Variants in RELL1 observed in about 807,000 individuals in gnomAD.
RELL1 encodes RELT like 1.
In RELL1, 10 loss-of-function variants were observed where a neutral mutation model predicts 23.0. That is an observed-to-expected ratio of 0.43 (90% CI 0.27 to 0.74). RELL1 has a LOEUF of 0.74. Among genes scored for constraint, RELL1 ranks in the 30% least tolerant of loss-of-function variants. The pLI is 0.19. For missense variants in RELL1, 315 were observed against 364.4 expected (o/e 0.86, Z 1.10); for synonymous variants, 146 against 146.8 (o/e 0.99, Z 0.04).
chr4:37,664,989 G>A (rs1264861175), intron 1 of RELL1, among the ~76,000 whole-genome samples: 1 of 152,182 alleles, frequency 6.6e-6, no homozygotes. Flanking sequence ...TGGAGGTGGG[G>A]AAGTGAAGGT....
At chr4:37,662,073 T>C (rs1721375856) in intron 1 of RELL1, among the ~76,000 whole-genome samples, 1 of 152,106 alleles carries the variant, frequency 6.6e-6, no homozygotes. Context: ...ATTCCTGAAA[T>C]GCTACCATGA....
intron 6 of RELL1, among the ~76,000 whole-genome samples, chr4:37,622,603 C>G (rs1440650695): frequency 1.3e-5 from 2 of 152,114 alleles, no homozygotes; most frequent in Non-Finnish European, 2.9e-5. Context: ...CCGTAATGAA[C>G]TCTCGGCATG....
At chr4:37,628,030 T>A (rs995818338) in intron 6 of RELL1, among the ~76,000 whole-genome samples, 1 of 152,202 alleles carries the variant, frequency 6.6e-6, no homozygotes, top group African/African-American at 2.4e-5. Context: ...CATACTTTTT[T>A]TGGGGGGATG....
chr4:37,604,804 CACACAGACACACACACAG>C (rs762729096), intron 6 of RELL1, among the ~76,000 whole-genome samples: 13,782 of 72,486 alleles, frequency 0.19, 801 homozygotes, highest in East Asian at 0.34. Context: ...CACAGACACA[CACACAGACACACACACAG>C]ACACACACAT....
At chr4:37,605,931 GAGAGA>G (rs1719203148), downstream of RELL1, among the ~76,000 whole-genome samples, 4 of 146,088 alleles carry the variant, frequency 2.7e-5, no homozygotes, top group Admixed American at 2.1e-4. Flanking sequence ...GGGAGGGAGA[GAGAGA>G]AGGAGAGAAA....
intron 6 of RELL1, among the ~76,000 whole-genome samples, chr4:37,628,945 G>A (rs1720037910): frequency 6.6e-6 from 1 of 151,786 alleles, no homozygotes; most frequent in Non-Finnish European, 1.5e-5. Flanking sequence ...ATCAGAATCA[G>A]ACAGATTCGG....
chr4:37,596,495 C>T (rs968590173), intron 6 of RELL1, among the ~76,000 whole-genome samples: 5 of 151,502 alleles, frequency 3.3e-5, no homozygotes, highest in African/African-American at 1.2e-4. Flanking sequence ...ACTGCACACA[C>T]CCTTAATATA....
Position 37,669,107 on chromosome 4 carries a change from G to A in RELL1, c.88+17093C>T, listed in dbSNP as rs1220903085. On this transcript the variant is annotated intron_variant, in intron 1 of 6. Coordinates refer to ENST00000454158, the MANE Select transcript of RELL1 (RefSeq NM_001085400.2). The stretch of plus-strand genomic sequence containing the variant: ...CCGCCCCGTCTGGGAGGTGAGGGGC[G>A]CCTCTGCCCGGCCGCCCCTACTGGG... Among the ~76,000 whole-genome samples, 271 of 128,922 alleles carry A rather than the reference G, an allele frequency of 2.1e-3. 10 individuals are homozygous for A. Among genetic ancestry groups the A allele is most frequent in the African/African-American group, 7.6e-3 (230 of 30,110 alleles). The allele number at this position is 128,922 out of a possible 152,430, so 84.6% of individuals were successfully genotyped here.
chr4:37,646,115 T>C (rs17423421), intron 3 of RELL1, among the ~76,000 whole-genome samples: 40,087 of 152,148 alleles, frequency 0.26, 5,620 homozygotes, highest in Middle Eastern at 0.31. Flanking sequence ...GGGAAACATT[T>C]TCTTTTAAAT....
In RELL1 at chr4:37,686,370, ATCG is replaced by A; in HGVS notation, c.-86_-84del. ...GAGCCGCTCCGGAGCCGGCGGGCTG[ATCG>A]AGTGGCTGGGCTGGGCCCCAGGGAG... On this transcript the variant is annotated 5_prime_UTR_variant, in exon 1 of 7. Transcript: ENST00000454158. 3.6e-6 allele frequency: 4 copies of A among 1,117,980 alleles called. No individual in the cohort carries two copies. Among genetic ancestry groups the A allele is most frequent in the Non-Finnish European group, 2.4e-6 (2 of 831,756 alleles). 69.3% of individuals were successfully genotyped at this position (1,117,980 alleles called of 1,614,324 possible).
intron 6 of RELL1, among the ~76,000 whole-genome samples, chr4:37,600,693 A>G (rs1718991481): frequency 6.6e-6 from 1 of 152,036 alleles, no homozygotes; most frequent in Admixed American, 6.6e-5. Context: ...TTAATACAAA[A>G]CAGAAACCAT....
chr4:37,590,650 G>A (rs543128145), downstream of RELL1: 40 of 1,614,140 alleles, frequency 2.5e-5, no homozygotes, highest in Admixed American at 8.3e-5. Flanking sequence ...TGGAGACAAC[G>A]TTGATCATAA....
At chr4:37,603,094 C>CA (rs1719057601) in intron 6 of RELL1, among the ~76,000 whole-genome samples, 1 of 152,258 alleles carries the variant, frequency 6.6e-6, no homozygotes, top group Middle Eastern at 3.4e-3. Flanking sequence ...ATTCATTCAG[C>CA]AAAAAATCAC....
intron 6 of RELL1, among the ~76,000 whole-genome samples, chr4:37,616,647 G>A (rs534662834): frequency 5.3e-5 from 8 of 152,154 alleles, no homozygotes; most frequent in East Asian, 1.9e-4. Context: ...CCACACAGTC[G>A]GATTAATAAT....
intron 6 of RELL1, among the ~76,000 whole-genome samples, chr4:37,604,325 C>T (rs771581395): frequency 3.3e-5 from 5 of 151,768 alleles, no homozygotes; most frequent in Non-Finnish European, 5.9e-5. Flanking sequence ...AAACTAAGCC[C>T]GTCGTCCCCA....
downstream of RELL1, among the ~76,000 whole-genome samples, chr4:37,605,747 A>G (rs1719172361): frequency 6.9e-6 from 1 of 144,138 alleles, no homozygotes; most frequent in Non-Finnish European, 1.5e-5. Flanking sequence ...GTCAAGAAAG[A>G]AAGAAAAAGA....
chr4:37,643,216 G>GA (rs1194194794), intron 3 of RELL1, among the ~76,000 whole-genome samples: 2 of 152,162 alleles, frequency 1.3e-5, no homozygotes, highest in Non-Finnish European at 2.9e-5. Flanking sequence ...GCAAAGTATG[G>GA]AAAAAACCCA....
chr4:37,618,086 A>T (rs1225685048), intron 6 of RELL1, among the ~76,000 whole-genome samples: 1 of 152,236 alleles, frequency 6.6e-6, no homozygotes, highest in Non-Finnish European at 1.5e-5. Context: ...GCTTCGACGC[A>T]AGAAAAACTG....
downstream of RELL1, among the ~76,000 whole-genome samples, chr4:37,587,074 G>C (rs964122800): frequency 1.3e-5 from 2 of 152,172 alleles, no homozygotes; most frequent in African/African-American, 2.4e-5. Flanking sequence ...GGGTGAATCT[G>C]TTCCTTCCCT....
Sources: gnomAD v4.1 joint callset for allele counts (sites outside exome capture counted in the v4.1 genomes callset) on GRCh38, gnomAD v4.1.1 for gene constraint, MANE v1.5 for transcripts, NCBI Gene and HGNC (gene_info 2026-07-23, HGNC 2026-07-21) for gene names.